Variants in DNAJC1 observed in about 807,000 individuals in gnomAD.
The protein encoded by DNAJC1 is dnaJ homolog subfamily C member 1.
Under a neutral mutation model 76.6 loss-of-function variants are expected in DNAJC1, and 58 were observed. The observed-to-expected ratio is 0.76, with a 90% CI of 0.61 to 0.94. DNAJC1 has a LOEUF of 0.94. Ranked by LOEUF, DNAJC1 falls within the 40% of genes least tolerant of loss-of-function variation. DNAJC1 has a pLI of 0.00. For synonymous variants in DNAJC1, 258 were observed against 267.9 expected, an observed-to-expected ratio of 0.96 and a Z score of 0.36; for missense variants, 689 against 677.3, an observed-to-expected ratio of 1.02 and a Z score of -0.19.
chr10:21,903,779 T>A (rs1407758602), intron 7 of DNAJC1, among the ~76,000 whole-genome samples: 1 of 151,972 alleles, frequency 6.6e-6, no homozygotes, highest in Admixed American at 6.6e-5. Context: ...ACAGATAAAG[T>A]CCTTACCCTC....
At chr10:21,864,038 A>T (rs1357134319) in intron 8 of DNAJC1, among the ~76,000 whole-genome samples, 3 of 151,836 alleles carry the variant, frequency 2.0e-5, no homozygotes, top group Non-Finnish European at 4.4e-5. Context: ...CCCTGTCTCT[A>T]TTTAAAATAT....
chr10:21,803,791 A>G (rs531636093), intron 9 of DNAJC1: 53 of 938,886 alleles, frequency 5.6e-5, no homozygotes, highest in Admixed American at 5.6e-4. Flanking sequence ...TTTGTACAAC[A>G]AAAGTTTAGA....
intron 8 of DNAJC1, among the ~76,000 whole-genome samples, chr10:21,820,027 G>A (rs1410906171): frequency 6.6e-6 from 1 of 152,166 alleles, no homozygotes; most frequent in East Asian, 1.9e-4. Flanking sequence ...ATAAAGTCAT[G>A]CACAATTTTG....
At chr10:21,947,512 CTTATGATTTTCTT>C (rs1837524084) in intron 1 of DNAJC1, among the ~76,000 whole-genome samples, 1 of 152,090 alleles carries the variant, frequency 6.6e-6, no homozygotes, top group African/African-American at 2.4e-5. Flanking sequence ...TATATTTTCT[CTTATGATTTTCTT>C]AATAACATTT....
chr10:21,803,697 C>G, intron 9 of DNAJC1: 2 of 380,174 alleles, frequency 5.3e-6, no homozygotes, highest in Non-Finnish European at 7.2e-6. Flanking sequence ...AATAGTCCAG[C>G]CATGGAGATG....
chr10:21,775,331 C>CTTTTTTTTTTT, intron 9 of DNAJC1, among the ~76,000 whole-genome samples: 1 of 49,666 alleles, frequency 2.0e-5, no homozygotes, highest in Non-Finnish European at 3.8e-5. Context: ...CTGCAAATGG[C>CTTTTTTTTTTT]TTTTTTTTTT....
chr10:21,770,641 C>T (rs185796180), intron 9 of DNAJC1, among the ~76,000 whole-genome samples: 10 of 152,210 alleles, frequency 6.6e-5, no homozygotes, highest in African/African-American at 1.7e-4. Flanking sequence ...TGAGGTGATC[C>T]GCCCGCCTCG....
chr10:21,827,335 ATAGTTT>A (rs1365777598), intron 8 of DNAJC1, among the ~76,000 whole-genome samples: 5 of 152,142 alleles, frequency 3.3e-5, no homozygotes, highest in East Asian at 1.9e-4. Flanking sequence ...ATTGATACAT[ATAGTTT>A]TAGTTTTAGT....
At chr10:21,795,548 G>C (rs1834741243) in intron 9 of DNAJC1, among the ~76,000 whole-genome samples, 1 of 152,188 alleles carries the variant, frequency 6.6e-6, no homozygotes, top group Non-Finnish European at 1.5e-5. Context: ...TGAGAGAACA[G>C]GAGTGGGAAA....
At chr10:21,981,567 T>A (rs1311478161) in intron 1 of DNAJC1, among the ~76,000 whole-genome samples, 1 of 152,206 alleles carries the variant, frequency 6.6e-6, no homozygotes, top group Non-Finnish European at 1.5e-5. Context: ...TTGTTAGTTT[T>A]CTGAGACTGG....
chr10:21,813,813 C>T (rs1835030868), intron 8 of DNAJC1, among the ~76,000 whole-genome samples: 1 of 152,168 alleles, frequency 6.6e-6, no homozygotes, highest in East Asian at 1.9e-4. Flanking sequence ...ATCTGTAATA[C>T]ACCGCACTGG....
chr10:21,924,164 T>C (rs891792889), intron 3 of DNAJC1, among the ~76,000 whole-genome samples: 1 of 152,008 alleles, frequency 6.6e-6, no homozygotes, highest in African/African-American at 2.4e-5. Flanking sequence ...ATGCCAAAAA[T>C]TGTGGTACAC....
Position 21,962,666 on chromosome 10 carries a change from T to C in DNAJC1, c.223-33525A>G, listed in dbSNP as rs188157893. ...TTCTTTTTCTTTTTTTTTTTTTTTG[T>C]AGAGACAGGTTATTGCCGTGTTGCC... On this transcript the variant is annotated intron_variant, in intron 1 of 11. Coordinates refer to ENST00000376980, the MANE Select transcript of DNAJC1 (RefSeq NM_022365.4). Among the ~76,000 whole-genome samples the C allele has an allele frequency of 2.7e-3, 402 of 146,922 alleles. 4 individuals carry two copies. The highest frequency in any genetic ancestry group is 9.8e-3 in the African/African-American group (388 of 39,778).
At chr10:21,962,573 T>A (rs573994429) in intron 1 of DNAJC1, among the ~76,000 whole-genome samples, 43 of 146,860 alleles carry the variant, frequency 2.9e-4, no homozygotes, top group Non-Finnish European at 5.2e-4. Flanking sequence ...GCTCAAATGA[T>A]CCTTCCACCT....
At chr10:21,952,564 C>G (rs1385113790) in intron 1 of DNAJC1, among the ~76,000 whole-genome samples, 1 of 152,142 alleles carries the variant, frequency 6.6e-6, no homozygotes, top group South Asian at 2.1e-4. Flanking sequence ...CGTGACTAGC[C>G]TAGCCAACAT....
chr10:21,997,276 C>T (rs933216058), intron 1 of DNAJC1, among the ~76,000 whole-genome samples: 2 of 152,186 alleles, frequency 1.3e-5, no homozygotes, highest in African/African-American at 4.8e-5. Context: ...TGAGTGGACA[C>T]AGGAGTCGGG....
At chr10:21,965,402 A>C (rs1256098590) in intron 1 of DNAJC1, among the ~76,000 whole-genome samples, 1 of 152,204 alleles carries the variant, frequency 6.6e-6, no homozygotes, top group Admixed American at 6.5e-5. Flanking sequence ...AAAACCAGGA[A>C]ACTCACATTG....
intron 8 of DNAJC1, among the ~76,000 whole-genome samples, chr10:21,862,079 C>T (rs986261234): frequency 7.9e-5 from 12 of 151,776 alleles, no homozygotes; most frequent in East Asian, 2.0e-4. Flanking sequence ...CCACCACGCC[C>T]GGCTAATTTT....
chr10:21,883,606 T>C (rs530795446), intron 7 of DNAJC1, among the ~76,000 whole-genome samples: 1 of 152,106 alleles, frequency 6.6e-6, no homozygotes, highest in Non-Finnish European at 1.5e-5. Context: ...CTTCATGGCT[T>C]AGCCTAGTCT....
Sources: allele counts gnomAD v4.1 joint callset (sites outside exome capture counted in the v4.1 genomes callset), GRCh38; gene constraint gnomAD v4.1.1; transcripts MANE v1.5; gene names NCBI Gene and HGNC (gene_info 2026-07-23, HGNC 2026-07-21).